KSR1: variants seen among roughly 807,000 people sequenced by gnomAD.
KSR1 encodes kinase suppressor of ras.
Under a neutral mutation model 92.9 loss-of-function variants are expected in KSR1, and 35 were observed. The observed-to-expected ratio is 0.38, with a 90% CI of 0.29 to 0.50. The LOEUF (loss-of-function observed/expected upper bound fraction) is 0.50, where lower values mean the gene tolerates loss of function less well. Among genes scored for constraint, KSR1 ranks in the 20% least tolerant of loss-of-function variants. The pLI is 0.94. For missense variants in KSR1, 972 were observed against 1,158.5 expected (o/e 0.84, Z 2.34); for synonymous variants, 467 against 472.6 (o/e 0.99, Z 0.15).
At chr17:27,597,242 C>T (rs1324930653) in intron 9 of KSR1, 26 bp from the exon 10 acceptor site, 10 of 1,558,702 alleles carry the variant, frequency 6.4e-6, no homozygotes, top group Non-Finnish European at 8.7e-6. Context: ...ACAGCCCTGC[C>T]ATTCCCAACA....
chr17:27,473,213 C>T (rs1184188031), intron 1 of KSR1, among the ~76,000 whole-genome samples: 1 of 152,198 alleles, frequency 6.6e-6, no homozygotes, highest in African/African-American at 2.4e-5. Context: ...TCTGAATTTC[C>T]ATTTGTGTTC....
intron 1 of KSR1, among the ~76,000 whole-genome samples, chr17:27,523,012 TCTCA>T (rs1356407437): frequency 6.6e-6 from 1 of 152,158 alleles, no homozygotes; most frequent in Non-Finnish European, 1.5e-5. Flanking sequence ...GGGCCTCCTC[TCTCA>T]CACAGGGCCC....
chr17:27,467,827 T>TC (rs2019773909), intron 1 of KSR1, among the ~76,000 whole-genome samples: 1 of 151,768 alleles, frequency 6.6e-6, no homozygotes, highest in African/African-American at 2.4e-5. Context: ...TTTTTTTTTT[T>TC]TGAGACGGAG....
chr17:27,584,097 C>T (rs776375460), intron 4 of KSR1: 20 of 520,378 alleles, frequency 3.8e-5, no homozygotes, highest in Non-Finnish European at 4.7e-5. Context: ...CCCTTGGCAG[C>T]ACAGAAAGAA....
chr17:27,503,676 G>T (rs1291962356), intron 1 of KSR1, among the ~76,000 whole-genome samples: 1 of 152,140 alleles, frequency 6.6e-6, no homozygotes, highest in Non-Finnish European at 1.5e-5. Flanking sequence ...GTTAGGTGTG[G>T]ATGTGTGACT....
At position 27,459,980 on chromosome 17, in the gene KSR1, A is replaced by T. The variant is rs1469839049; in HGVS notation, c.231+3106A>T. On this transcript the variant is annotated intron_variant, in intron 1 of 20. Coordinates refer to ENST00000644974, the MANE Select transcript of KSR1 (RefSeq NM_001394583.1). The surrounding 1 kb of genome is among the most constrained non-coding windows in gnomAD (Gnocchi z 4.6). Reference sequence around the variant, plus strand: ...CTCAAACTCACACACGTTCCTGGAGATCAGCAGTTTTCATCATACACATTT... The same window carrying T: ...CTCAAACTCACACACGTTCCTGGAGTTCAGCAGTTTTCATCATACACATTT... 1.3e-5 allele frequency among the ~76,000 whole-genome samples: 2 copies of T among 152,132 alleles called. No individual in the cohort carries two copies. Among genetic ancestry groups the T allele is most frequent in the African/African-American group, 4.8e-5 (2 of 41,414 alleles).
intron 1 of KSR1, among the ~76,000 whole-genome samples, chr17:27,545,311 G>T (rs768641498): frequency 1.3e-5 from 2 of 152,138 alleles, no homozygotes; most frequent in African/African-American, 4.8e-5. Flanking sequence ...TTTGTTTTTC[G>T]CTGCCATTTG....
chr17:27,569,962 G>A (rs2072241474), intron 2 of KSR1, among the ~76,000 whole-genome samples: 1 of 152,240 alleles, frequency 6.6e-6, no homozygotes, highest in South Asian at 2.1e-4. Flanking sequence ...AGAGAAAGTG[G>A]TGGCTGTGGT....
At chr17:27,594,351 C>A (rs1043486367) in intron 9 of KSR1, among the ~76,000 whole-genome samples, 1 of 152,014 alleles carries the variant, frequency 6.6e-6, no homozygotes, top group Non-Finnish European at 1.5e-5. Flanking sequence ...GCCCCCATTG[C>A]CAACAATGTC....
At chr17:27,505,249 A>G (rs1161775394) in intron 1 of KSR1, among the ~76,000 whole-genome samples, 1 of 152,208 alleles carries the variant, frequency 6.6e-6, no homozygotes, top group East Asian at 1.9e-4. Flanking sequence ...GGGTGCTCCC[A>G]GACCGAGGGG....
intron 2 of KSR1, chr17:27,558,233 C>T (rs998908595): frequency 2.0e-5 from 3 of 150,956 alleles, no homozygotes; most frequent in Non-Finnish European, 4.4e-5. Flanking sequence ...TTTACAGTCA[C>T]TTAAAATGAC....
intron 5 of KSR1, 23 bp from the exon 6 acceptor site, chr17:27,588,452 C>T: frequency 6.4e-7 from 1 of 1,560,248 alleles, no homozygotes; most frequent in Non-Finnish European, 8.7e-7. Flanking sequence ...CTCAGCCTGC[C>T]CATCCGGCCT....
intron 13 of KSR1, 81 bp from the exon 14 acceptor site, chr17:27,605,353 G>A (rs1306426091): frequency 2.0e-6 from 3 of 1,512,378 alleles, no homozygotes; most frequent in East Asian, 4.8e-5. Context: ...CCTGTTACCT[G>A]GCTAGGGCTC....
chr17:27,535,813 G>T (rs893522574), intron 1 of KSR1, among the ~76,000 whole-genome samples: 2 of 152,214 alleles, frequency 1.3e-5, no homozygotes, highest in African/African-American at 4.8e-5. Context: ...CTCATTTATG[G>T]CAGAGGAAGT....
intron 1 of KSR1, chr17:27,526,575 T>C (rs1597951503): frequency 1.3e-6 from 2 of 1,594,804 alleles, no homozygotes; most frequent in East Asian, 2.2e-5. Context: ...CATTCATTTG[T>C]ATCAGTTGCA....
In KSR1 at chr17:27,459,669, A is replaced by G. The variant is rs1009671459; in HGVS notation, c.231+2795A>G. Reference sequence around the variant, plus strand: ...TGACCTGGAGGGCTTGGCCTGTGCAACTGCATCGGACTTATCTAGAATCTG... The same window carrying G: ...TGACCTGGAGGGCTTGGCCTGTGCAGCTGCATCGGACTTATCTAGAATCTG... On this transcript the variant is annotated intron_variant, in intron 1 of 20. Coordinates refer to ENST00000644974, the MANE Select transcript of KSR1 (RefSeq NM_001394583.1). The surrounding 1 kb of genome is among the most constrained non-coding windows in gnomAD (Gnocchi z 4.6). Among the ~76,000 whole-genome samples, 4 of 152,336 alleles carry G rather than the reference A, an allele frequency of 2.6e-5. No individual in the cohort carries two copies. The highest frequency in any genetic ancestry group is 2.6e-4 in the Admixed American group (4 of 15,304).
intron 1 of KSR1, among the ~76,000 whole-genome samples, chr17:27,531,376 C>T (rs1011909830): frequency 6.6e-6 from 1 of 152,256 alleles, no homozygotes; most frequent in Non-Finnish European, 1.5e-5. Flanking sequence ...GGGGAGGCCA[C>T]GCCTTTGAAG....
intron 3 of KSR1, chr17:27,579,229 A>T (rs1475873967): frequency 6.6e-6 from 1 of 152,244 alleles, no homozygotes; most frequent in Non-Finnish European, 1.5e-5. Flanking sequence ...TAGATTGTGC[A>T]TCACAGCATC....
intron 4 of KSR1, 132 bp from the exon 5 acceptor site, chr17:27,585,525 T>C: frequency 2.8e-6 from 2 of 706,362 alleles, no homozygotes; most frequent in Non-Finnish European, 5.3e-6. Context: ...AATCAGCCAG[T>C]CTGGCCTCAA....
Sources: gnomAD v4.1 joint callset for allele counts (sites outside exome capture counted in the v4.1 genomes callset) on GRCh38, gnomAD v4.1.1 for gene constraint, Gnocchi (gnomAD v3.1) non-coding constraint, MANE v1.5 for transcripts, NCBI Gene and HGNC (gene_info 2026-07-23, HGNC 2026-07-21) for gene names.